ANTXRL: variants seen among roughly 807,000 people sequenced by gnomAD.
ANTXRL encodes anthrax toxin receptor-like.
In ANTXRL, 63 loss-of-function variants were observed where a neutral mutation model predicts 75.4. That is an observed-to-expected ratio of 0.84 (90% CI 0.68 to 1.03). ANTXRL has a LOEUF of 1.03. Ranked by LOEUF, ANTXRL falls within the 50% of genes least tolerant of loss-of-function variation. The pLI is 0.00. For synonymous variants in ANTXRL, 335 were observed against 291.3 expected (o/e 1.15, Z -1.53); for missense variants, 797 against 789.4 (o/e 1.01, Z -0.12).
At chr10:46,289,658 G>C (rs782131789) in intron 1 of ANTXRL, among the ~76,000 whole-genome samples, 18 of 152,118 alleles carry the variant, frequency 1.2e-4, no homozygotes, top group Non-Finnish European at 2.1e-4. Flanking sequence ...GAGCCTGAGA[G>C]GTCAAGACTG....
At chr10:46,317,532 G>C (rs2132868440) in intron 16 of ANTXRL, among the ~76,000 whole-genome samples, 1 of 152,304 alleles carries the variant, frequency 6.6e-6, no homozygotes. Flanking sequence ...GAGGGCACTA[G>C]ACCAAGGGAC....
intron 7 of ANTXRL, 24 bp downstream of exon 7, chr10:46,297,498 C>T (rs541479431): frequency 2.9e-5 from 45 of 1,533,638 alleles, no homozygotes; most frequent in African/African-American, 1.1e-4. Context: ...GGTAACCAGG[C>T]GCCACTTTCA....
chr10:46,307,708 C>A (rs1838177140), intron 12 of ANTXRL, among the ~76,000 whole-genome samples: 1 of 152,124 alleles, frequency 6.6e-6, no homozygotes, highest in African/African-American at 2.4e-5. Flanking sequence ...ACCTCAGGCC[C>A]AGGAGCCCTG....
chr10:46,306,965 C>A, intron 11 of ANTXRL, 93 bp downstream of exon 11: 1 of 1,055,402 alleles, frequency 9.5e-7, no homozygotes, highest in Non-Finnish European at 1.3e-6. Context: ...CCCCCCACCC[C>A]CTGCTGGGAC....
intron 1 of ANTXRL, among the ~76,000 whole-genome samples, chr10:46,287,867 T>G (rs1207519838): frequency 9.2e-5 from 14 of 152,168 alleles, no homozygotes; most frequent in African/African-American, 2.4e-5. Flanking sequence ...GTTTGGGGTT[T>G]CTGTGTTGTT....
intron 16 of ANTXRL, 114 bp from the exon 17 acceptor site, chr10:46,329,485 C>T (rs1839383386): frequency 2.2e-6 from 3 of 1,364,628 alleles, no homozygotes; most frequent in South Asian, 1.5e-5. Flanking sequence ...GCAAGGCCCA[C>T]CCTGTGGGTC....
rs1554962174 is a variant in ANTXRL, at chr10:46,307,401, G to C, written c.966-1G>C. On this transcript the variant is annotated splice_acceptor_variant, in intron 11 of 16. Coordinates refer to ENST00000620264, the MANE Select transcript of ANTXRL (RefSeq NM_001278688.3). LOFTEE classifies it high-confidence loss of function. ...CACCATCTGCATTTTCTATGCTTTA[G>C]GGAGTACTCTATTGAAGTCAGCTTG... The C allele has an allele frequency of 6.5e-7, 1 of 1,534,918 alleles. No homozygotes were observed. The highest frequency in any genetic ancestry group is 2.4e-5 in the East Asian group (1 of 40,914).
chr10:46,315,622 CA>C (rs1417384469), intron 16 of ANTXRL, among the ~76,000 whole-genome samples: 1 of 152,124 alleles, frequency 6.6e-6, no homozygotes, highest in African/African-American at 2.4e-5. Flanking sequence ...AGGCTATTTC[CA>C]AACTCTTCTT....
Position 46,329,644 on chromosome 10 carries a change from G to C in ANTXRL, c.1456G>C (p.Ala486Pro), listed in dbSNP as rs549194283. 356 of 1,536,418 alleles carry C rather than the reference G, an allele frequency of 2.3e-4. No individual in the cohort carries two copies. In the South Asian group the frequency reaches 4.0e-3, roughly 17 times the overall value. The change falls in exon 17 of 17, where the codon GCT becomes CCT. Residue 486 changes from alanine to proline, a missense_variant. Coordinates refer to ENST00000620264, the MANE Select transcript of ANTXRL (RefSeq NM_001278688.3). ...LALAQSQYAQAPCCPRICFPH... is the reference protein window; with the variant it reads ...LALAQSQYAQPPCCPRICFPH... ...CCTTGCACAGTCCCAATATGCACAG[G>C]CTCCCTGCTGCCCAAGGATCTGCTT...
intron 16 of ANTXRL, among the ~76,000 whole-genome samples, chr10:46,316,618 G>A (rs1465888297): frequency 1.3e-5 from 2 of 152,116 alleles, no homozygotes; most frequent in Non-Finnish European, 2.9e-5. Flanking sequence ...ACTGACCTGA[G>A]GGGAGGCTCA....
chr10:46,327,536 C>T (rs759554536), intron 16 of ANTXRL, among the ~76,000 whole-genome samples: 6 of 152,032 alleles, frequency 3.9e-5, no homozygotes, highest in Non-Finnish European at 8.8e-5. Flanking sequence ...TCAGCATCAT[C>T]CTGGATGGGG....
At chr10:46,326,651 G>A (rs1554966572) in intron 16 of ANTXRL, among the ~76,000 whole-genome samples, 1 of 152,068 alleles carries the variant, frequency 6.6e-6, no homozygotes, top group East Asian at 1.9e-4. Flanking sequence ...AGTGAGGTGG[G>A]GCTTCAAGCC....
chr10:46,293,800 C>T lies in ANTXRL; in HGVS notation c.321-29C>T, dbSNP rs781867295. 1.2e-4 allele frequency: 187 copies of T among 1,530,668 alleles called. No individual in the cohort carries two copies. In the Middle Eastern group the frequency reaches 0.01, roughly 82 times the overall value. The allele number at this position is 1,530,668 out of a possible 1,614,324, so 94.8% of individuals were successfully genotyped here. A position where few individuals can be genotyped will look rare whatever the true frequency, so the allele number is the denominator to read the frequency against. On this transcript the variant is annotated intron_variant, in intron 2 of 16. Coordinates refer to ENST00000620264, the MANE Select transcript of ANTXRL (RefSeq NM_001278688.3). ...TTGGCTTCTGAGCCTGTGCCACTGGCTTCTCACCAGCACATGATTCCTTCA... is the reference window on the plus strand; with the variant it reads ...TTGGCTTCTGAGCCTGTGCCACTGGTTTCTCACCAGCACATGATTCCTTCA...
intron 16 of ANTXRL, among the ~76,000 whole-genome samples, chr10:46,326,976 A>C (rs546073754): frequency 6.6e-6 from 1 of 152,048 alleles, no homozygotes. Flanking sequence ...GCAAGGAGAG[A>C]GACAGGCTGT....
At chr10:46,309,045 G>A in intron 12 of ANTXRL, 68 bp from the exon 13 acceptor site, 3 of 1,532,458 alleles carry the variant, frequency 2.0e-6, no homozygotes, top group Non-Finnish European at 2.6e-6. Context: ...GGGCAGATGG[G>A]CCACCAAGTG....
intron 13 of ANTXRL, 119 bp from the exon 14 acceptor site, chr10:46,310,342 C>T (rs1401895052): frequency 1.2e-5 from 11 of 954,354 alleles, no homozygotes; most frequent in African/African-American, 1.1e-4. Flanking sequence ...GCCAGAGTGA[C>T]ACCCCAAAGG....
chr10:46,293,221 TGTGTGTGTGA>T (rs1837085231), intron 2 of ANTXRL: 1 of 157,746 alleles, frequency 6.3e-6, no homozygotes, highest in Non-Finnish European at 1.4e-5. Flanking sequence ...TGTGACTGTG[TGTGTGTGTGA>T]GTGTGTATGC....
rs782060639 is a variant in ANTXRL, at chr10:46,296,027, T to G, written c.401T>G (p.Ile134Arg). Reference sequence around the variant, plus strand: ...TTTTAAATTTTTTTCAGGAATAGAATAAAAAACGGTCTTGACCAACTTCAG... The same window carrying G: ...TTTTAAATTTTTTTCAGGAATAGAAGAAAAAACGGTCTTGACCAACTTCAG... ...VLPLTSDKNR[I>R]KNGLDQLQKI... Residue 134 changes from isoleucine to arginine, a missense_variant, in exon 4 of 17, where the codon ATA becomes AGA. This residue lies in a region of ANTXRL where 262 missense variants were observed against 271.9 expected (regional missense o/e 0.96). Transcript: ENST00000620264. The G allele has an allele frequency of 1.3e-6, 2 of 1,535,716 alleles. No individual in the cohort carries two copies. Among genetic ancestry groups the G allele is most frequent in the South Asian group, 2.4e-5 (2 of 84,042 alleles).
chr10:46,305,561 G>A (rs1554961662), intron 10 of ANTXRL, among the ~76,000 whole-genome samples: 1 of 152,120 alleles, frequency 6.6e-6, no homozygotes, highest in African/African-American at 2.4e-5. Context: ...ATGGGCCCTG[G>A]GAAGCCGGGG....
Sources: allele counts gnomAD v4.1 joint callset (sites outside exome capture counted in the v4.1 genomes callset), GRCh38; gene constraint gnomAD v4.1.1; regional missense constraint gnomAD v4.1.1; transcripts MANE v1.5; gene names NCBI Gene and HGNC (gene_info 2026-07-23, HGNC 2026-07-21).